The following ASIC2 variants were observed in gnomAD, a reference collection of about 807,000 sequenced individuals.
ASIC2 encodes the protein acid-sensing ion channel 2.
A neutral mutation model predicts 57.3 loss-of-function variants in ASIC2; 25 were observed. That is an observed-to-expected ratio of 0.44 (90% CI 0.32 to 0.61). The LOEUF (loss-of-function observed/expected upper bound fraction) is 0.61, where lower values mean the gene tolerates loss of function less well. Among genes scored for constraint, ASIC2 ranks in the 20% least tolerant of loss-of-function variants. The pLI is 0.06. For synonymous variants in ASIC2, 319 were observed against 307.5 expected (o/e 1.04, Z -0.39); for missense variants, 641 against 738.1 (o/e 0.87, Z 1.52).
intron 1 of ASIC2, among the ~76,000 whole-genome samples, chr17:33,842,949 G>A (rs1036621847): frequency 6.6e-6 from 1 of 152,186 alleles, no homozygotes; most frequent in East Asian, 1.9e-4. Context: ...TGATGAAAGG[G>A]AGATGTCTGT....
intron 1 of ASIC2, among the ~76,000 whole-genome samples, chr17:33,856,191 G>A (rs1259791845): frequency 4.6e-5 from 7 of 152,138 alleles, no homozygotes; most frequent in Admixed American, 6.5e-5. Flanking sequence ...TGGGTGGCTT[G>A]GAGCAAGTTA....
intron 1 of ASIC2, chr17:34,002,301 C>T (rs1906372868): frequency 6.6e-6 from 1 of 152,254 alleles, no homozygotes. Flanking sequence ...TTTCAATTTA[C>T]TTCCTGTAAA....
intron 1 of ASIC2, among the ~76,000 whole-genome samples, chr17:33,486,275 C>A (rs968447414): frequency 6.6e-6 from 1 of 152,120 alleles, no homozygotes; most frequent in Non-Finnish European, 1.5e-5. Flanking sequence ...TTTGCATGAT[C>A]CCTATTTTAT....
chr17:33,608,032 G>A (rs1055432740), intron 1 of ASIC2, among the ~76,000 whole-genome samples: 9 of 152,070 alleles, frequency 5.9e-5, no homozygotes, highest in African/African-American at 1.7e-4. Flanking sequence ...GCAACCTAAC[G>A]GACAGAAGCA....
At chr17:33,514,860 G>A (rs1267398071) in intron 1 of ASIC2, among the ~76,000 whole-genome samples, 3 of 152,140 alleles carry the variant, frequency 2.0e-5, no homozygotes, top group Non-Finnish European at 2.9e-5. Context: ...TTGGCTGTGT[G>A]GCCATAGAGA....
At chr17:33,622,203 G>A (rs573724697) in intron 1 of ASIC2, among the ~76,000 whole-genome samples, 1 of 152,178 alleles carries the variant, frequency 6.6e-6, no homozygotes, top group South Asian at 2.1e-4. Context: ...TGCTACAGAA[G>A]CTTAAGAGAT....
chr17:33,089,994 G>C (rs539044168), intron 2 of ASIC2, among the ~76,000 whole-genome samples: 1 of 152,228 alleles, frequency 6.6e-6, no homozygotes, highest in East Asian at 1.9e-4. Flanking sequence ...TACAGAATGA[G>C]CTCTCCAAAT....
At chr17:33,431,768 C>T (rs1257665164) in intron 1 of ASIC2, among the ~76,000 whole-genome samples, 1 of 152,142 alleles carries the variant, frequency 6.6e-6, no homozygotes, top group Non-Finnish European at 1.5e-5. Context: ...AAATAAACAT[C>T]ATAAAAATAT....
chr17:33,738,337 C>G (rs1449023104), intron 1 of ASIC2, among the ~76,000 whole-genome samples: 1 of 152,190 alleles, frequency 6.6e-6, no homozygotes, highest in Non-Finnish European at 1.5e-5. Context: ...TGCTTGTCAT[C>G]CTTCCCCCAG....
At chr17:34,057,115 C>A (rs910944382) in intron 1 of ASIC2, among the ~76,000 whole-genome samples, 2 of 152,002 alleles carry the variant, frequency 1.3e-5, no homozygotes, top group Admixed American at 6.6e-5. Context: ...TTTTGTTGGG[C>A]ACTAAATTTA....
At chr17:33,282,453 ATG>A (rs35692967) in intron 1 of ASIC2, among the ~76,000 whole-genome samples, 1,553 of 147,378 alleles carry the variant, frequency 0.011, 29 homozygotes, top group African/African-American at 0.036. Flanking sequence ...CTCTGTGTGT[ATG>A]TGTGTGTGTG....
intron 1 of ASIC2, among the ~76,000 whole-genome samples, chr17:34,122,001 G>A (rs1443129338): frequency 0.018 from 2 of 114 alleles, no homozygotes; most frequent in Admixed American, 0.12. Flanking sequence ...AGGGCACTCA[G>A]TGCTTTGCTG....
intron 1 of ASIC2, among the ~76,000 whole-genome samples, chr17:33,377,514 C>T (rs1909324741): frequency 1.3e-5 from 2 of 152,218 alleles, no homozygotes; most frequent in Non-Finnish European, 2.9e-5. Context: ...ATGGCTTTGA[C>T]CCAATCGCAT....
At chr17:33,883,365 C>T (rs1371273244) in intron 1 of ASIC2, among the ~76,000 whole-genome samples, 1 of 152,190 alleles carries the variant, frequency 6.6e-6, no homozygotes, top group Admixed American at 6.5e-5. Flanking sequence ...CACCATCCAA[C>T]CAATTAGCTT....
chr17:33,838,296 G>A lies in ASIC2; in HGVS notation c.555+317682C>T, dbSNP rs537485566. The stretch of plus-strand genomic sequence containing the variant: ...ACTAACTATTGAGCTCTTTAAGAAG[G>A]CAAACAGAGTGGGCAGCCATTAAGT... On this transcript the variant is annotated intron_variant, in intron 1 of 9. Transcript: ENST00000359872. 3.9e-5 allele frequency among the ~76,000 whole-genome samples: 6 copies of A among 152,246 alleles called. No individual in the cohort carries two copies. The East Asian group carries it at 9.7e-4, about 25-fold the overall frequency.
chr17:33,106,709 C>T (rs541216143), intron 2 of ASIC2, among the ~76,000 whole-genome samples: 7 of 152,196 alleles, frequency 4.6e-5, no homozygotes, highest in South Asian at 4.2e-4. Flanking sequence ...GGTCCAGGGG[C>T]GGGCACCTGA....
intron 1 of ASIC2, among the ~76,000 whole-genome samples, chr17:33,382,156 G>A (rs1408052261): frequency 6.6e-6 from 1 of 152,074 alleles, no homozygotes; most frequent in Non-Finnish European, 1.5e-5. Flanking sequence ...GACTCAAGTG[G>A]GAGAAATATT....
intron 1 of ASIC2, among the ~76,000 whole-genome samples, chr17:34,098,404 A>G (rs1219759456): frequency 6.6e-6 from 1 of 152,218 alleles, no homozygotes; most frequent in African/African-American, 2.4e-5. Context: ...AAAATATGGG[A>G]AAGTGCACAT....
intron 1 of ASIC2, among the ~76,000 whole-genome samples, chr17:33,907,266 G>A (rs915275039): frequency 2.0e-5 from 3 of 152,144 alleles, no homozygotes; most frequent in African/African-American, 4.8e-5. Flanking sequence ...GGGGTCAGGC[G>A]ATAAGACAAC....
Sources: gnomAD v4.1 joint callset for allele counts (sites outside exome capture counted in the v4.1 genomes callset) on GRCh38, gnomAD v4.1.1 for gene constraint, MANE v1.5 for transcripts, NCBI Gene and HGNC (gene_info 2026-07-23, HGNC 2026-07-21) for gene names.